Variants in RAB27B observed in about 807,000 individuals in gnomAD.
RAB27B encodes the protein RAB27B, member RAS oncogene family, also known as ras-related protein Rab-27B.
Under a neutral mutation model 24.6 loss-of-function variants are expected in RAB27B, and 15 were observed. The ratio of observed to expected loss-of-function variants is 0.61; its 90% CI spans 0.41 to 0.94. RAB27B has a LOEUF of 0.94. RAB27B is among the 40% of genes least tolerant of loss of function. RAB27B has a pLI of 0.00. For missense variants in RAB27B, 261 were observed against 266.8 expected (o/e 0.98, Z 0.15); for synonymous variants, 105 against 92.5 (o/e 1.14, Z -0.78).
intron 2 of RAB27B, among the ~76,000 whole-genome samples, chr18:54,817,777 A>T (rs1910165592): frequency 6.6e-6 from 1 of 151,828 alleles, no homozygotes. Flanking sequence ...ATCACCAGAA[A>T]TTAGTGTCAC....
At chr18:54,821,425 T>C (rs1910306756) in intron 2 of RAB27B, among the ~76,000 whole-genome samples, 1 of 152,146 alleles carries the variant, frequency 6.6e-6, no homozygotes, top group Non-Finnish European at 1.5e-5. Flanking sequence ...TGCTCATGGG[T>C]AGGAAGAATC....
At chr18:54,780,517 C>T (rs192501464) in intron 2 of RAB27B, among the ~76,000 whole-genome samples, 1 of 151,982 alleles carries the variant, frequency 6.6e-6, no homozygotes, top group Admixed American at 6.6e-5. Flanking sequence ...TCTCCCCTTT[C>T]TTGATGGCTT....
intron 2 of RAB27B, among the ~76,000 whole-genome samples, chr18:54,765,172 T>G (rs1399661423): frequency 1.3e-5 from 2 of 152,126 alleles, no homozygotes; most frequent in African/African-American, 2.4e-5. Context: ...GCATAACGAT[T>G]TTTACATTCT....
chr18:54,859,240 A>G (rs181953827), intron 1 of RAB27B, among the ~76,000 whole-genome samples: 1 of 152,282 alleles, frequency 6.6e-6, no homozygotes, highest in African/African-American at 2.4e-5. Flanking sequence ...TAAGAACTAC[A>G]ATTCTTGATG....
chr18:54,857,041 A>G (rs553476318), intron 1 of RAB27B, among the ~76,000 whole-genome samples: 1 of 152,170 alleles, frequency 6.6e-6, no homozygotes, highest in Non-Finnish European at 1.5e-5. Context: ...TTAGGGATCT[A>G]CATGCAAAGG....
intron 2 of RAB27B, among the ~76,000 whole-genome samples, chr18:54,762,114 T>C (rs1908210103): frequency 6.6e-6 from 1 of 152,196 alleles, no homozygotes; most frequent in Non-Finnish European, 1.5e-5. Context: ...CAGCGTAAGA[T>C]AGATTCTCCC....
intron 2 of RAB27B, among the ~76,000 whole-genome samples, chr18:54,747,510 T>C (rs1227684782): frequency 6.6e-6 from 1 of 152,216 alleles, no homozygotes; most frequent in Non-Finnish European, 1.5e-5. Flanking sequence ...AGATGGCTGA[T>C]GATGCTTAAT....
At chr18:54,718,927 G>A (rs2144967042) in intron 2 of RAB27B, among the ~76,000 whole-genome samples, 1 of 152,242 alleles carries the variant, frequency 6.6e-6, no homozygotes, top group East Asian at 1.9e-4. Flanking sequence ...GTTAGATGTG[G>A]TTTTGACCAC....
At chr18:54,750,463 C>A (rs1907796272) in intron 2 of RAB27B, among the ~76,000 whole-genome samples, 1 of 152,142 alleles carries the variant, frequency 6.6e-6, no homozygotes, top group African/African-American at 2.4e-5. Flanking sequence ...GTCACTGATA[C>A]AACACCTATT....
At chr18:54,868,691 T>A (rs1418338664) in intron 1 of RAB27B, among the ~76,000 whole-genome samples, 1 of 152,058 alleles carries the variant, frequency 6.6e-6, no homozygotes, top group Non-Finnish European at 1.5e-5. Context: ...TGGCGTGATC[T>A]CAACTCACTG....
chr18:54,830,631 T>C (rs1205920782), intron 1 of RAB27B, among the ~76,000 whole-genome samples: 1 of 152,210 alleles, frequency 6.6e-6, no homozygotes, highest in Non-Finnish European at 1.5e-5. Context: ...AAATTCATTA[T>C]TAGGTATATA....
At chr18:54,752,752 G>A (rs73959279) in intron 2 of RAB27B, among the ~76,000 whole-genome samples, 6,652 of 152,226 alleles carry the variant, frequency 0.044, 208 homozygotes, top group Admixed American at 0.082. Context: ...GCAGAGATGC[G>A]TGCTGTTGTG....
intron 2 of RAB27B, among the ~76,000 whole-genome samples, chr18:54,739,932 CTCAAA>C (rs1395881212): frequency 6.6e-6 from 1 of 152,160 alleles, no homozygotes; most frequent in Non-Finnish European, 1.5e-5. Flanking sequence ...GAAATGTCTA[CTCAAA>C]TCATTTGCCC....
intron 1 of RAB27B, among the ~76,000 whole-genome samples, chr18:54,866,339 A>G (rs1912225537): frequency 7.1e-6 from 1 of 141,742 alleles, no homozygotes; most frequent in African/African-American, 2.6e-5. Flanking sequence ...TCTGTAGCCC[A>G]GGCTGGAGTG....
intron 2 of RAB27B, among the ~76,000 whole-genome samples, chr18:54,792,138 AAG>A (rs1201925912): frequency 1.3e-5 from 2 of 152,152 alleles, no homozygotes; most frequent in African/African-American, 2.4e-5. Context: ...ACAGCAAACT[AAG>A]AGACCCTGTA....
Position 54,894,467 on chromosome 18 carries a change from T to G in RAB27B, c.*5054T>G, listed in dbSNP as rs1420690503. On this transcript the variant is annotated 3_prime_UTR_variant, in exon 6 of 6. Coordinates refer to ENST00000262094, the MANE Select transcript of RAB27B (RefSeq NM_004163.4). ...GCTTCTGTCTTTATGTCTGTTGGCA[T>G]ATCAAAATGGTTTCTGTTCCTAGAA... is the stretch of plus-strand genomic sequence containing the variant. The G allele has an allele frequency of 1.3e-5, 2 of 152,080 alleles. No individual in the cohort carries two copies. Among genetic ancestry groups the G allele is most frequent in the East Asian group, 3.8e-4 (2 of 5,196 alleles). The allele number at this position is 152,080 out of a possible 1,614,324, so 9.4% of individuals were successfully genotyped here. A position where few individuals can be genotyped will look rare whatever the true frequency, so the allele number is the denominator to read the frequency against.
intron 1 of RAB27B, among the ~76,000 whole-genome samples, chr18:54,843,883 C>T (rs993442492): frequency 3.3e-5 from 5 of 152,112 alleles, no homozygotes; most frequent in African/African-American, 1.2e-4. Flanking sequence ...GGGCAACGGT[C>T]CCTCCTACAC....
At chr18:54,777,246 G>A (rs544519251) in intron 2 of RAB27B, among the ~76,000 whole-genome samples, 87 of 152,248 alleles carry the variant, frequency 5.7e-4, no homozygotes, top group Admixed American at 1.4e-3. Flanking sequence ...AGCAAAGAAG[G>A]GCATCAAGAA....
intron 2 of RAB27B, among the ~76,000 whole-genome samples, chr18:54,794,239 G>A (rs1909343831): frequency 2.0e-5 from 3 of 152,096 alleles, no homozygotes; most frequent in Admixed American, 2.0e-4. Flanking sequence ...CCTGAACTAA[G>A]AAAACACTAG....
Sources: allele counts gnomAD v4.1 joint callset (sites outside exome capture counted in the v4.1 genomes callset), GRCh38; gene constraint gnomAD v4.1.1; transcripts MANE v1.5; gene names NCBI Gene and HGNC (gene_info 2026-07-23, HGNC 2026-07-21).